B4GALT7: variants seen among roughly 807,000 people sequenced by gnomAD.
The protein encoded by B4GALT7 is UDP-Gal:beta-GlcNAc beta-1,4-galactosyltransferase 7.
A neutral mutation model predicts 33.0 loss-of-function variants in B4GALT7; 30 were observed. The observed-to-expected ratio is 0.91, with a 90% CI of 0.68 to 1.23. The LOEUF (loss-of-function observed/expected upper bound fraction) is 1.23, where lower values mean the gene tolerates loss of function less well. Ranked by LOEUF, B4GALT7 falls within the 50% of genes most tolerant of loss-of-function variation. The pLI, the probability that B4GALT7 is intolerant of heterozygous loss-of-function variation, is 0.00. For synonymous variants in B4GALT7, 213 were observed against 187.2 expected (o/e 1.14, Z -1.13); for missense variants, 507 against 450.8 (o/e 1.12, Z -1.13).
At position 177,604,024 on chromosome 5, in the gene B4GALT7, C is replaced by A. The variant is rs538254985; in HGVS notation, c.51-155C>A. On this transcript the variant is annotated intron_variant, in intron 1 of 5. Coordinates refer to ENST00000029410, the MANE Select transcript of B4GALT7 (RefSeq NM_007255.3). Reference sequence around the variant, plus strand: ...GCAGGATTCGGATGCATGGTAGTGGCATGAGCAGAAACATTAAAGTTGCTT... The same window carrying A: ...GCAGGATTCGGATGCATGGTAGTGGAATGAGCAGAAACATTAAAGTTGCTT... 1.2e-4 allele frequency: 130 copies of A among 1,094,508 alleles called. No individual in the cohort carries two copies. In the African/African-American group the frequency reaches 1.9e-3, roughly 16 times the overall value. The allele number at this position is 1,094,508 out of a possible 1,614,324, so 67.8% of individuals were successfully genotyped here.
chr5:177,602,223 C>T (rs1767866932), intron 1 of B4GALT7, among the ~76,000 whole-genome samples: 1 of 152,074 alleles, frequency 6.6e-6, no homozygotes, highest in African/African-American at 2.4e-5. Context: ...GGGTTTCCTA[C>T]CAGGCCACCT....
rs1005210482 is a variant in B4GALT7, at chr5:177,600,243, G to C, written c.33G>C (p.Leu11=). 7.2e-7 allele frequency: 1 copy of C among 1,387,420 alleles called. No homozygotes were observed. Among genetic ancestry groups the C allele is most frequent in the Admixed American group, 2.7e-5 (1 of 36,522 alleles). The allele number at this position is 1,387,420 out of a possible 1,614,324, so 85.9% of individuals were successfully genotyped here. The change falls in exon 1 of 6, where the codon CTG becomes CTC. Residue 11 remains leucine, a synonymous_variant. Coordinates refer to ENST00000029410, the MANE Select transcript of B4GALT7 (RefSeq NM_007255.3). The surrounding 1 kb of genome is among the most constrained non-coding windows in gnomAD (Gnocchi z 4.4). MFPSRRKAAQ[L]PWEDGRSGLL... ...CCTCGCGGAGGAAAGCGGCGCAGCT[G>C]CCCTGGGAGGACGGCAGGTGAGCGG... is the stretch of plus-strand genomic sequence containing the variant.
Position 177,604,306 on chromosome 5 carries a change from G to A in B4GALT7, c.178G>A (p.Ala60Thr). Residue 60 changes from alanine to threonine, a missense_variant, in exon 2 of 6, where the codon GCA becomes ACA. Ala to Thr is a moderately conservative substitution (Grantham distance 58). Transcript: ENST00000029410. Reference protein sequence around the residue: ...QLSCSGDVARAVRGQGQETSG... With the variant: ...QLSCSGDVARTVRGQGQETSG... ...CAGCTGCTCTGGGGACGTGGCCCGG[G>A]CAGTCAGGGGACAAGGGCAGGAGAC... The A allele has an allele frequency of 1.9e-6, 3 of 1,611,052 alleles. No homozygotes were observed. Among genetic ancestry groups the A allele is most frequent in the Non-Finnish European group, 2.5e-6 (3 of 1,178,662 alleles).
rs115880641 is a variant in B4GALT7, at chr5:177,602,096, C to T, written c.50+1836C>T. Among the ~76,000 whole-genome samples the T allele has an allele frequency of 7.4e-3, 1,126 of 152,266 alleles. 13 individuals carry two copies. The highest frequency in any genetic ancestry group is 0.014 in the Middle Eastern group (4 of 294). On this transcript the variant is annotated intron_variant, in intron 1 of 5. Transcript: ENST00000029410. ...CTGTCCCCAGAAAAAGCCCAGAGGG[C>T]AAGGGAGAATCTGTAGAGGTTCCAG...
At chr5:177,603,265 G>A (rs1030972407) in intron 1 of B4GALT7, 1 of 985,198 alleles carries the variant, frequency 1.0e-6, no homozygotes, top group African/African-American at 1.7e-5. Context: ...ACTTTGGGGA[G>A]AAGGTAGGGG....
rs1170608943 is a variant in B4GALT7 at position 177,600,579 on chromosome 5, T to TA, written c.50+320dup. Among the ~76,000 whole-genome samples the TA allele has an allele frequency of 1.3e-5, 2 of 152,082 alleles. No individual in the cohort carries two copies. Among genetic ancestry groups the TA allele is most frequent in the Non-Finnish European group, 2.9e-5 (2 of 68,004 alleles). ...TCCCCTCTTTGCTAGTCTCTCTCGTTATGTGTTTCGTTGTGTCTGTGTTTC... is the reference window on the plus strand; with the variant it reads ...TCCCCTCTTTGCTAGTCTCTCTCGTTAATGTGTTTCGTTGTGTCTGTGTTTC... On this transcript the variant is annotated intron_variant, in intron 1 of 5. Coordinates refer to ENST00000029410, the MANE Select transcript of B4GALT7 (RefSeq NM_007255.3). The surrounding 1 kb of genome is among the most constrained non-coding windows in gnomAD (Gnocchi z 4.4).
In B4GALT7 at chr5:177,600,931, G is replaced by T. The variant is rs1032990836; in HGVS notation, c.50+671G>T. Among the ~76,000 whole-genome samples, 1 of 152,138 alleles carries T rather than the reference G, an allele frequency of 6.6e-6. No individual in the cohort carries two copies. The highest frequency in any genetic ancestry group is 6.5e-5 in the Admixed American group (1 of 15,268). ...TGTATTGGCCCTACGTGAAAGATGC[G>T]AGCTTGGCCCACACCTTAGCTAATT... On this transcript the variant is annotated intron_variant, in intron 1 of 5. Coordinates refer to ENST00000029410, the MANE Select transcript of B4GALT7 (RefSeq NM_007255.3). The surrounding 1 kb of genome is among the most constrained non-coding windows in gnomAD (Gnocchi z 4.4).
Position 177,604,355 on chromosome 5 carries a change from C to G in B4GALT7, c.227C>G (p.Pro76Arg). Residue 76 changes from proline to arginine, a missense_variant, in exon 2 of 6, where the codon CCC becomes CGC. By Grantham distance (103) the Pro-to-Arg change is moderately radical (BLOSUM62 -2). Transcript: ENST00000029410. ...QETSGPPRACPPEPPPEHWEE... is the reference protein window; with the variant it reads ...QETSGPPRACRPEPPPEHWEE... ...ACCTCGGGCCCTCCCCGTGCCTGCCCCCCAGAGCCGCCCCCTGAGCACTGG... is the reference window on the plus strand; with the variant it reads ...ACCTCGGGCCCTCCCCGTGCCTGCCGCCCAGAGCCGCCCCCTGAGCACTGG... 6.2e-7 allele frequency: 1 copy of G among 1,612,212 alleles called. No individual in the cohort carries two copies. Among genetic ancestry groups the G allele is most frequent in the Non-Finnish European group, 8.5e-7 (1 of 1,179,170 alleles).
Position 177,601,267 on chromosome 5 carries a change from C to T in B4GALT7, c.50+1007C>T, listed in dbSNP as rs1004702231. On this transcript the variant is annotated intron_variant, in intron 1 of 5. Transcript: ENST00000029410. ...CTCCGTAATTATGTGAGCAGAGACC[C>T]CTGCATCTGTCCGACCGCAGCCTTT... Among the ~76,000 whole-genome samples the T allele has an allele frequency of 5.3e-5, 8 of 152,166 alleles. No homozygotes were observed. In the East Asian group the frequency reaches 1.5e-3, roughly 29 times the overall value.
In B4GALT7 at chr5:177,608,515, T is replaced by C. The variant is rs1768081888; in HGVS notation, c.640-24T>C. On this transcript the variant is annotated intron_variant, in intron 3 of 5. Coordinates refer to ENST00000029410, the MANE Select transcript of B4GALT7 (RefSeq NM_007255.3). This position sits in a 1 kb window ranked among gnomAD's most constrained non-coding sequence, Gnocchi z 4.1. Reference sequence around the variant, plus strand: ...CCCCCCCCCGGGAAGATGGGCCGAGTGACGCTGCTTGTCTCTGTGTCAGTG... The same window carrying C: ...CCCCCCCCCGGGAAGATGGGCCGAGCGACGCTGCTTGTCTCTGTGTCAGTG... 1 of 1,591,214 alleles carries C rather than the reference T, an allele frequency of 6.3e-7. No homozygotes were observed. The highest frequency in any genetic ancestry group is 8.6e-7 in the Non-Finnish European group (1 of 1,164,248).
Position 177,608,498 on chromosome 5 carries a change from C to G in B4GALT7, c.640-41C>G, listed in dbSNP as rs905052660. 7.0e-6 allele frequency: 11 copies of G among 1,568,118 alleles called. No homozygotes were observed. The highest frequency in any genetic ancestry group is 2.3e-5 in the East Asian group (1 of 44,228). ...GTAGGAGACCAAAGGCCCCCCCCCC[C>G]GGGAAGATGGGCCGAGTGACGCTGC... On this transcript the variant is annotated intron_variant, in intron 3 of 5. Transcript: ENST00000029410. The surrounding 1 kb of genome is among the most constrained non-coding windows in gnomAD (Gnocchi z 4.1).
chr5:177,604,316 G>A lies in B4GALT7; in HGVS notation c.188G>A (p.Gly63Glu), dbSNP rs773416080. Reference sequence around the variant, plus strand: ...GGGGACGTGGCCCGGGCAGTCAGGGGACAAGGGCAGGAGACCTCGGGCCCT... The same window carrying A: ...GGGGACGTGGCCCGGGCAGTCAGGGAACAAGGGCAGGAGACCTCGGGCCCT... Reference protein sequence around the residue: ...CSGDVARAVRGQGQETSGPPR... With the variant: ...CSGDVARAVREQGQETSGPPR... Residue 63 changes from glycine to glutamate, a missense_variant, in exon 2 of 6, where the codon GGA becomes GAA. Physicochemically the swap from Gly to Glu is moderately conservative, Grantham distance 98 (BLOSUM62 -2). Coordinates refer to ENST00000029410, the MANE Select transcript of B4GALT7 (RefSeq NM_007255.3). 3 of 1,610,842 alleles carry A rather than the reference G, an allele frequency of 1.9e-6. No individual in the cohort carries two copies. The highest frequency in any genetic ancestry group is 2.5e-6 in the Non-Finnish European group (3 of 1,178,506).
Position 177,610,223 on chromosome 5 carries a change from G to A in B4GALT7, c.*528G>A, listed in dbSNP as rs1192886421. ...GTTGCCATGCCGGAATGTGGGCCTA[G>A]TGTTGCCAGATCTTCTGATTTTTCG... On this transcript the variant is annotated 3_prime_UTR_variant, in exon 6 of 6. Transcript: ENST00000029410. The A allele has an allele frequency of 1.2e-5, 2 of 162,710 alleles. No individual in the cohort carries two copies. The highest frequency in any genetic ancestry group is 4.8e-5 in the African/African-American group (2 of 41,788). The allele number at this position is 162,710 out of a possible 1,614,324, so 10.1% of individuals were successfully genotyped here.
intron 1 of B4GALT7, among the ~76,000 whole-genome samples, chr5:177,601,875 C>T (rs777143198): frequency 2.0e-5 from 3 of 152,108 alleles, no homozygotes; most frequent in Non-Finnish European, 4.4e-5. Flanking sequence ...TCCAGTTGCT[C>T]TGCGGTTTGT....
chr5:177,609,414 T>G, intron 5 of B4GALT7, 126 bp from the exon 6 acceptor site: 36 of 1,268,384 alleles, frequency 2.8e-5, no homozygotes, highest in African/African-American at 4.4e-5. Context: ...TTCACTGCTT[T>G]GAGCTCTGGG....
chr5:177,605,110 CT>C, intron 2 of B4GALT7: 1 of 447,492 alleles, frequency 2.2e-6, no homozygotes, highest in Non-Finnish European at 4.5e-6. Context: ...TTCAAGTCCC[CT>C]TGATCCAGAT....
intron 2 of B4GALT7, 31 bp downstream of exon 2, chr5:177,604,572 C>G (rs2127511825): frequency 6.2e-7 from 1 of 1,612,844 alleles, no homozygotes; most frequent in Middle Eastern, 1.7e-4. Context: ...CTCCCCTCGG[C>G]ACCCCTGCCC....
At position 177,609,801 on chromosome 5, in the gene B4GALT7, G is replaced by A. The variant is rs1768126941; in HGVS notation, c.*106G>A. On this transcript the variant is annotated 3_prime_UTR_variant, in exon 6 of 6. Transcript: ENST00000029410. Reference sequence around the variant, plus strand: ...CTCTGACAGGATGTGGAGTGGCCAGGACCAAGACAGCAAGCTACGCAATTG... The same window carrying A: ...CTCTGACAGGATGTGGAGTGGCCAGAACCAAGACAGCAAGCTACGCAATTG... 2.1e-6 allele frequency: 3 copies of A among 1,449,296 alleles called. No homozygotes were observed. The highest frequency in any genetic ancestry group is 2.8e-5 in the African/African-American group (2 of 71,118). The allele number at this position is 1,449,296 out of a possible 1,614,324, so 89.8% of individuals were successfully genotyped here.
chr5:177,601,127 C>G (rs1156843171), intron 1 of B4GALT7, among the ~76,000 whole-genome samples: 2 of 152,132 alleles, frequency 1.3e-5, no homozygotes, highest in Non-Finnish European at 2.9e-5. Context: ...CCATAAGATT[C>G]TGGAATTTAG....
Sources: gnomAD v4.1 joint callset for allele counts (sites outside exome capture counted in the v4.1 genomes callset) on GRCh38, gnomAD v4.1.1 for gene constraint, Gnocchi (gnomAD v3.1) non-coding constraint, MANE v1.5 for transcripts, NCBI Gene and HGNC (gene_info 2026-07-23, HGNC 2026-07-21) for gene names.